The following SEC13 variants were observed in gnomAD, a reference collection of about 807,000 sequenced individuals.
SEC13 encodes the protein protein SEC13 homolog.
SEC13 carries 25 observed loss-of-function variants against 49.2 expected under a neutral mutation model. The observed-to-expected ratio is 0.51, with a 90% CI of 0.37 to 0.71. The LOEUF is 0.71. Ranked by LOEUF, SEC13 falls within the 30% of genes least tolerant of loss-of-function variation. The probability of loss-of-function intolerance (pLI) is 0.00; values close to 1 mark genes in which losing one functional copy is unlikely to be tolerated. For missense variants in SEC13, 383 were observed against 417.6 expected (o/e 0.92, Z 0.72); for synonymous variants, 148 against 163.9 (o/e 0.90, Z 0.74).
chr3:10,320,346 G>T (rs2059754557), intron 1 of SEC13, among the ~76,000 whole-genome samples: 1 of 152,190 alleles, frequency 6.6e-6, no homozygotes, highest in Non-Finnish European at 1.5e-5. Context: ...GCTCAGCCCA[G>T]ATACTTCCAT....
intron 5 of SEC13, chr3:10,311,726 C>T: frequency 1.4e-6 from 2 of 1,379,790 alleles, no homozygotes; most frequent in Non-Finnish European, 1.9e-6. Context: ...CAGGCTGCTG[C>T]TGCACCAGCC....
chr3:10,311,833 T>C (rs1201597110), intron 5 of SEC13, 132 bp downstream of exon 5: 3 of 1,572,216 alleles, frequency 1.9e-6, no homozygotes, highest in South Asian at 2.4e-5. Flanking sequence ...AGAGCAATCA[T>C]GTCTGGTCAG....
intron 6 of SEC13, 68 bp downstream of exon 6, chr3:10,305,491 G>GAGTC (rs1700814645): frequency 2.6e-6 from 4 of 1,556,034 alleles, no homozygotes; most frequent in Non-Finnish European, 3.5e-6. Context: ...GAGTGTGGCT[G>GAGTC]AGTCATGGTG....
rs539388041 is a variant in SEC13 at position 10,304,894 on chromosome 3, C to G, written c.708+139G>C. ...GACCAAGACTTCCCCACACAATGACCTGACTCCCTGTGCTCTGGGCCAAAG... is the reference window on the plus strand; with the variant it reads ...GACCAAGACTTCCCCACACAATGACGTGACTCCCTGTGCTCTGGGCCAAAG... On this transcript the variant is annotated intron_variant, in intron 7 of 8. Transcript: ENST00000350697. 6.3e-6 allele frequency: 8 copies of G among 1,270,482 alleles called. No individual in the cohort carries two copies. In the South Asian group the frequency reaches 1.1e-4, roughly 17 times the overall value. 78.7% of individuals were successfully genotyped at this position (1,270,482 alleles called of 1,614,324 possible).
chr3:10,311,045 A>G (rs1229964993), intron 5 of SEC13, among the ~76,000 whole-genome samples: 1 of 150,818 alleles, frequency 6.6e-6, no homozygotes, highest in Non-Finnish European at 1.5e-5. Context: ...AAAAAAAACA[A>G]CTCCCAGCGG....
At chr3:10,312,448 GA>G in intron 4 of SEC13, 130 bp downstream of exon 4, 2 of 1,174,180 alleles carry the variant, frequency 1.7e-6, no homozygotes, top group Non-Finnish European at 1.2e-6. Context: ...CAGAGTAGCA[GA>G]AAAGCCAACC....
In SEC13 at chr3:10,305,111, C is replaced by G. The variant is rs138539081; in HGVS notation, c.630G>C (p.Ala210=). Residue 210 remains alanine, a synonymous_variant, in exon 7 of 9, where the codon GCG becomes GCC. Transcript: ENST00000350697. The stretch of plus-strand genomic sequence containing the variant: ...CCACATCTCGAACCCAGTCACTGTG[C>G]GCTTCTAGCTTCTGCTCCTCCTTCC... ...GQWKEEQKLE[A]HSDWVRDVAW... is the part of the protein sequence containing the mutation. 4 of 1,613,966 alleles carry G rather than the reference C, an allele frequency of 2.5e-6. No homozygotes were observed. Among genetic ancestry groups the G allele is most frequent in the Admixed American group, 3.3e-5 (2 of 60,016 alleles).
chr3:10,302,239 AAAAAC>A (rs1291963558), intron 8 of SEC13, among the ~76,000 whole-genome samples: 5 of 152,222 alleles, frequency 3.3e-5, no homozygotes, highest in African/African-American at 4.8e-5. Context: ...CTCGATCTCA[AAAAAC>A]AAAACAAAAA....
At chr3:10,304,757 C>A (rs1185260869) in intron 7 of SEC13, among the ~76,000 whole-genome samples, 1 of 152,162 alleles carries the variant, frequency 6.6e-6, no homozygotes, top group African/African-American at 2.4e-5. Flanking sequence ...ACCTCGGCGC[C>A]CTAGTCTCAC....
At chr3:10,312,825 G>T in intron 3 of SEC13, 95 bp from the exon 4 acceptor site, 1 of 1,262,358 alleles carries the variant, frequency 7.9e-7, no homozygotes, top group Non-Finnish European at 1.1e-6. Flanking sequence ...ATATATCAGG[G>T]CAGAATTGCT....
chr3:10,319,890 AGGG>A (rs1342618533), intron 1 of SEC13, among the ~76,000 whole-genome samples: 1 of 66,470 alleles, frequency 1.5e-5, no homozygotes, highest in East Asian at 5.0e-4. Context: ...AGGGAGAGGA[AGGG>A]GGGAGGAAGA....
At chr3:10,313,556 T>G (rs1486273859) in intron 3 of SEC13, 1 of 382,866 alleles carries the variant, frequency 2.6e-6, no homozygotes, top group Non-Finnish European at 5.8e-6. Context: ...GGTTTACTCC[T>G]TCACCGTGGG....
intron 1 of SEC13, among the ~76,000 whole-genome samples, chr3:10,318,753 T>C (rs569985524): frequency 2.6e-5 from 4 of 152,348 alleles, no homozygotes; most frequent in African/African-American, 9.6e-5. Context: ...GGTGTCATGG[T>C]CATCTCCCTC....
rs969292738 is a variant in SEC13, at chr3:10,301,883, A to G, written c.856-509T>C. 1.2e-4 allele frequency among the ~76,000 whole-genome samples: 19 copies of G among 152,216 alleles called. 1 individual carries two copies. Among genetic ancestry groups the G allele is most frequent in the Non-Finnish European group, 2.5e-4 (17 of 68,030 alleles). ...TTGTTTCTACACTGAAGTAAACTGT[A>G]TAAGAAATAGCTAAGAGCTGAAAAG... On this transcript the variant is annotated intron_variant, in intron 8 of 8. Coordinates refer to ENST00000350697, the MANE Select transcript of SEC13 (RefSeq NM_183352.3).
chr3:10,305,789 T>C (rs1700836781), intron 5 of SEC13, 97 bp from the exon 6 acceptor site: 1 of 1,363,838 alleles, frequency 7.3e-7, no homozygotes, highest in East Asian at 2.3e-5. Flanking sequence ...TTCTCAGGAC[T>C]GGAGTGTGTG....
rs1284102072 is a variant in SEC13 at position 10,318,078 on chromosome 3, G to A, written c.20C>T (p.Thr7Ile). Residue 7 changes from threonine to isoleucine, a missense_variant, in exon 2 of 9, where the codon ACT becomes ATT. By Grantham distance (89) the Thr-to-Ile change is moderately conservative (BLOSUM62 -1). Coordinates refer to ENST00000350697, the MANE Select transcript of SEC13 (RefSeq NM_183352.3). MVSVIN[T>I]VDTSHEDMIH... is the part of the protein sequence containing the mutation. ...CATGTCCTCATGGGAGGTATCCACA[G>A]TGTTAATTACTGACACCTAGAACCA... The A allele has an allele frequency of 6.2e-7, 1 of 1,604,336 alleles. No homozygotes were observed. Among genetic ancestry groups the A allele is most frequent in the Admixed American group, 1.7e-5 (1 of 59,988 alleles).
At chr3:10,307,963 T>G (rs1020618790) in intron 5 of SEC13, among the ~76,000 whole-genome samples, 1 of 152,228 alleles carries the variant, frequency 6.6e-6, no homozygotes, top group African/African-American at 2.4e-5. Context: ...GTTGTGTGAC[T>G]TGTATCCTCT....
chr3:10,316,460 T>C (rs878857922), intron 2 of SEC13, among the ~76,000 whole-genome samples: 2 of 152,154 alleles, frequency 1.3e-5, no homozygotes, highest in Admixed American at 6.5e-5. Flanking sequence ...CTTGGTTTCT[T>C]GGAGGGCAGG....
chr3:10,316,049 C>T (rs1273834044), intron 2 of SEC13, among the ~76,000 whole-genome samples: 1 of 152,208 alleles, frequency 6.6e-6, no homozygotes, highest in Non-Finnish European at 1.5e-5. Flanking sequence ...CCAGAGCTTC[C>T]CAGACTTTCC....
Sources: allele counts gnomAD v4.1 joint callset (sites outside exome capture counted in the v4.1 genomes callset), GRCh38; gene constraint gnomAD v4.1.1; transcripts MANE v1.5; gene names NCBI Gene and HGNC (gene_info 2026-07-23, HGNC 2026-07-21).